The following RYR1 variants were observed in gnomAD, a reference collection of about 807,000 sequenced individuals.
RYR1 encodes the protein ryanodine receptor 1, also known as central core disease of muscle.
In RYR1, 342 loss-of-function variants were observed where a neutral mutation model predicts 583.5. That is an observed-to-expected ratio of 0.59 (90% CI 0.54 to 0.64). The LOEUF is 0.64. Ranked by LOEUF, RYR1 falls within the 30% of genes least tolerant of loss-of-function variation. The pLI is 0.00. For missense variants in RYR1, 6,032 were observed against 6,917.2 expected, an observed-to-expected ratio of 0.87 and a Z score of 4.54; for synonymous variants, 2,791 against 2,822.5, an observed-to-expected ratio of 0.99 and a Z score of 0.35.
intron 70 of RYR1, among the ~76,000 whole-genome samples, chr19:38,524,469 G>C (rs1971381368): frequency 6.6e-6 from 1 of 152,190 alleles, no homozygotes; most frequent in Non-Finnish European, 1.5e-5. Context: ...CGAGGACTCA[G>C]GGAGAAGCTG....
intron 12 of RYR1, 52 bp downstream of exon 12, chr19:38,451,937 CG>C: frequency 6.2e-7 from 1 of 1,612,860 alleles, no homozygotes; most frequent in South Asian, 1.1e-5. Flanking sequence ...TCCCATGCTC[CG>C]GGCATCCATA....
In RYR1 at chr19:38,448,778, C is replaced by G; in HGVS notation, c.1087C>G (p.Pro363Ala). 2 of 1,614,162 alleles carry G rather than the reference C, an allele frequency of 1.2e-6. No individual in the cohort carries two copies. Among genetic ancestry groups the G allele is most frequent in the Admixed American group, 3.3e-5 (2 of 60,020 alleles). Residue 363 changes from proline (P) to alanine (A), a missense_variant, in exon 11 of 106, where the codon CCC becomes GCC. Physicochemically the swap from Pro to Ala is conservative, Grantham distance 27 (BLOSUM62 -1). Transcript: ENST00000359596. ...GTGGCTCACCTATGCTGCTCCAGAC[C>G]CCAAGGCCCTGCGGCTCGGCGTGCT... Reference protein sequence around the residue: ...GLWLTYAAPDPKALRLGVLKK... With the variant: ...GLWLTYAAPDAKALRLGVLKK...
rs918639118 is a variant in RYR1 at position 38,453,084 on chromosome 19, C to T, written c.1440+70C>T. On this transcript the variant is annotated intron_variant, in intron 13 of 105. Transcript: ENST00000359596. ...GCGGGACCACTGAGGGGCGGGGCCA[C>T]GGCGCTGGGCGGGGCAGGGCCTGAG... is the stretch of plus-strand genomic sequence containing the variant. 36 of 1,501,858 alleles carry T rather than the reference C, an allele frequency of 2.4e-5. No homozygotes were observed. The African/African-American group carries it at 3.4e-4, about 14-fold the overall frequency. The allele number at this position is 1,501,858 out of a possible 1,614,324, so 93.0% of individuals were successfully genotyped here.
rs755651622 is a variant in RYR1 at position 38,502,948 on chromosome 19, A to T, written c.7904A>T (p.Glu2635Val). 8.9e-5 allele frequency: 144 copies of T among 1,610,322 alleles called. No homozygotes were observed. Among genetic ancestry groups the T allele is most frequent in the Non-Finnish European group, 1.1e-4 (135 of 1,179,992 alleles). Residue 2635 changes from glutamate (E) to valine (V), a missense_variant, in exon 49 of 106, where the codon GAG (glutamate) becomes GTG (valine). By Grantham distance (121) the Glu-to-Val change is moderately radical (BLOSUM62 -2). This residue lies in a region of RYR1 where 250 missense variants were observed against 162.3 expected (regional missense o/e 1.54). Coordinates refer to ENST00000359596, the MANE Select transcript of RYR1 (RefSeq NM_000540.3). The stretch of plus-strand genomic sequence containing the variant: ...GTGTTCGACGTGCCCATCCTCAACG[A>T]GTTCGCCAAGATGCCACTCAAGGTG... The part of the protein sequence containing the change: ...RLVFDVPILN[E>V]FAKMPLKLLT...
intron 101 of RYR1, among the ~76,000 whole-genome samples, chr19:38,581,914 G>T (rs1974231833): frequency 6.6e-6 from 1 of 152,000 alleles, no homozygotes; most frequent in Admixed American, 6.6e-5. Context: ...GGCCTTATTT[G>T]AGCTTTTCAA....
intron 99 of RYR1, 29 bp downstream of exon 99, chr19:38,578,233 G>A: frequency 6.2e-7 from 1 of 1,609,928 alleles, no homozygotes; most frequent in African/African-American, 1.3e-5. Flanking sequence ...ACTGGGGAGG[G>A]ACTCTGCAGG....
chr19:38,502,201 G>A (rs926050269), intron 47 of RYR1, among the ~76,000 whole-genome samples: 7 of 152,116 alleles, frequency 4.6e-5, no homozygotes, highest in Non-Finnish European at 8.8e-5. Context: ...GAGGGTTAGA[G>A]AGGAGATAAG....
Position 38,444,158 on chromosome 19 carries a change from G to T in RYR1, c.434G>T (p.Cys145Phe). ...CCATCCCCACCCATAGGAGAGGCTT[G>T]CTGGTGGACCATGCACCCAGCCTCC... ...GLQEDATGEA[C>F]WWTMHPASKQ... Residue 145 changes from cysteine to phenylalanine, a missense_variant, in exon 6 of 106, where the codon TGC (cysteine) becomes TTC (phenylalanine). Cys to Phe is a radical substitution (Grantham distance 205, BLOSUM62 -2). Coordinates refer to ENST00000359596, the MANE Select transcript of RYR1 (RefSeq NM_000540.3). The surrounding 1 kb of genome is among the most constrained non-coding windows in gnomAD (Gnocchi z 5.1). The T allele has an allele frequency of 6.2e-7, 1 of 1,613,922 alleles. No individual in the cohort carries two copies. Among genetic ancestry groups the T allele is most frequent in the Non-Finnish European group, 8.5e-7 (1 of 1,179,888 alleles).
At chr19:38,586,305 G>A (rs561624283) in intron 104 of RYR1, 114 bp downstream of exon 104, 42 of 1,153,350 alleles carry the variant, frequency 3.6e-5, no homozygotes, top group Admixed American at 5.9e-5. Context: ...CATGTGGGCA[G>A]ATTCCCTGCC....
In RYR1 at chr19:38,519,231, G is replaced by C; in HGVS notation, c.10036G>C (p.Val3346Leu). The C allele has an allele frequency of 6.2e-7, 1 of 1,614,166 alleles. No homozygotes were observed. Among genetic ancestry groups the C allele is most frequent in the Non-Finnish European group, 8.5e-7 (1 of 1,180,020 alleles). The change falls in exon 67 of 106, where the codon GTG becomes CTG. Residue 3346 changes from valine (V) to leucine (L), a missense_variant. By Grantham distance (32) the Val-to-Leu change is conservative (BLOSUM62 1). This residue lies in a region of RYR1 where 1,493 missense variants were observed against 1,715.5 expected (regional missense o/e 0.87). Transcript: ENST00000359596. ...CCCTGCAGTGTTCGCACAGCCCATT[G>C]TGAGCCGTGCACGGCCGGAGCTCCT... ...KRLAVFAQPI[V>L]SRARPELLQS...
chr19:38,504,215 C>T lies in RYR1; in HGVS notation c.7927-5C>T, dbSNP rs1351590691. 6.2e-7 allele frequency: 1 copy of T among 1,610,802 alleles called. No homozygotes were observed. The highest frequency in any genetic ancestry group is 8.5e-7 in the Non-Finnish European group (1 of 1,178,726). Reference sequence around the variant, plus strand: ...TTTGTGTGTCCCCCTCTTGTTCCCACCCAGCTCCTCACCAACCACTATGAG... The same window carrying T: ...TTTGTGTGTCCCCCTCTTGTTCCCATCCAGCTCCTCACCAACCACTATGAG... On this transcript the variant is annotated splice_polypyrimidine_tract_variant and splice_region_variant and intron_variant, in intron 49 of 105. Transcript: ENST00000359596.
intron 16 of RYR1, among the ~76,000 whole-genome samples, chr19:38,455,965 ATG>A (rs748769315): frequency 4.0e-4 from 53 of 132,110 alleles, no homozygotes; most frequent in African/African-American, 1.1e-3. Context: ...GATCTCTGAA[ATG>A]TTTTTTTTTT....
chr19:38,543,106 T>A lies in RYR1; in HGVS notation c.11690-241T>A, dbSNP rs1246448828. On this transcript the variant is annotated intron_variant, in intron 84 of 105. Transcript: ENST00000359596. This position sits in a 1 kb window ranked among gnomAD's most constrained non-coding sequence, Gnocchi z 4.4. ...ATCTGCCTGCCTGGGCCTCCCAAAG[T>A]GCTGGAATTACAGGCGTGAGCCACC... 1.3e-5 allele frequency among the ~76,000 whole-genome samples: 2 copies of A among 152,180 alleles called. No individual in the cohort carries two copies. The highest frequency in any genetic ancestry group is 2.9e-5 in the Non-Finnish European group (2 of 68,034).
At position 38,461,151 on chromosome 19, in the gene RYR1, C is replaced by T. The variant is rs1214818218; in HGVS notation, c.2577+560C>T. 3.6e-5 allele frequency among the ~76,000 whole-genome samples: 4 copies of T among 110,832 alleles called. No homozygotes were observed. The South Asian group carries it at 7.4e-4, about 20-fold the overall frequency. The allele number at this position is 110,832 out of a possible 152,430, so 72.7% of individuals were successfully genotyped here. ...CCTGGGCAACAGAGTGAGACTTCAT[C>T]TCAAAACAAACAAACAAACAAAAAC... On this transcript the variant is annotated intron_variant, in intron 20 of 105. Transcript: ENST00000359596.
chr19:38,476,776 G>T (rs1327982533), intron 29 of RYR1, among the ~76,000 whole-genome samples: 1 of 152,174 alleles, frequency 6.6e-6, no homozygotes, highest in Non-Finnish European at 1.5e-5. Flanking sequence ...ACCACTCTAT[G>T]CCTTCTCTCC....
chr19:38,539,148 CTT>C (rs938871959), intron 84 of RYR1, among the ~76,000 whole-genome samples: 1 of 151,280 alleles, frequency 6.6e-6, no homozygotes, highest in African/African-American at 2.4e-5. Context: ...AGTATGATCT[CTT>C]TGTCTTGAAT....
intron 65 of RYR1, 29 bp downstream of exon 65, chr19:38,516,246 G>A (rs780856654): frequency 6.3e-7 from 1 of 1,576,752 alleles, no homozygotes; most frequent in Non-Finnish European, 8.6e-7. Flanking sequence ...GAGCAGTGCT[G>A]GGAGTCCAAA....
chr19:38,550,348 G>A (rs1972613737), intron 89 of RYR1, among the ~76,000 whole-genome samples: 1 of 152,106 alleles, frequency 6.6e-6, no homozygotes, highest in South Asian at 2.1e-4. Flanking sequence ...GAAGAACGCA[G>A]GCAAACTGTT....
intron 20 of RYR1, among the ~76,000 whole-genome samples, chr19:38,461,050 G>A (rs548491200): frequency 1.3e-4 from 20 of 152,144 alleles, no homozygotes; most frequent in Admixed American, 9.2e-4. Flanking sequence ...CCAGCTACTC[G>A]GGAGGCTGAG....
Sources: allele counts gnomAD v4.1 joint callset (sites outside exome capture counted in the v4.1 genomes callset), GRCh38; gene constraint gnomAD v4.1.1; regional missense constraint gnomAD v4.1.1; non-coding constraint Gnocchi (gnomAD v3.1); transcripts MANE v1.5; gene names NCBI Gene and HGNC (gene_info 2026-07-23, HGNC 2026-07-21).